Variants in MTMR3 observed in about 807,000 individuals in gnomAD.
MTMR3 encodes the protein phosphatidylinositol-3,5-bisphosphate 3-phosphatase MTMR3.
Under a neutral mutation model 132.4 loss-of-function variants are expected in MTMR3, and 32 were observed. That is an observed-to-expected ratio of 0.24 (90% confidence interval 0.18 to 0.32). The LOEUF is 0.32. MTMR3 is among the 10% of genes least tolerant of loss of function. The pLI is 1.00. For missense variants in MTMR3, 1,216 were observed against 1,489.6 expected, an observed-to-expected ratio of 0.82 and a Z score of 3.02; for synonymous variants, 556 against 550.3, an observed-to-expected ratio of 1.01 and a Z score of -0.14.
At chr22:29,948,239 C>G (rs1209116390) in intron 1 of MTMR3, among the ~76,000 whole-genome samples, 1 of 152,162 alleles carries the variant, frequency 6.6e-6, no homozygotes, top group Non-Finnish European at 1.5e-5. Context: ...GAGTTGTATG[C>G]TTAAAGAATG....
Position 30,020,157 on chromosome 22 carries a change from T to A in MTMR3, c.2498T>A (p.Val833Asp). ...TCATGTTCTCTGCTACCTTCCCAAG[T>A]CCCTTTTGAGACCAGAGGACCAAAC... ...SQSCSLLPSQVPFETRGPNVD... is the reference protein window; with the variant it reads ...SQSCSLLPSQDPFETRGPNVD... The change falls in exon 17 of 20, where the codon GTC (valine) becomes GAC (aspartate). Residue 833 changes from valine (V) to aspartate (D), a missense_variant. This residue lies in a region of MTMR3 where 852 missense variants were observed against 852.0 expected (regional missense o/e 1.00). Transcript: ENST00000401950. 2 of 1,614,172 alleles carry A rather than the reference T, an allele frequency of 1.2e-6. No homozygotes were observed. The highest frequency in any genetic ancestry group is 1.7e-6 in the Non-Finnish European group (2 of 1,180,032).
At chr22:29,962,534 G>A (rs2066332440) in intron 2 of MTMR3, among the ~76,000 whole-genome samples, 1 of 152,056 alleles carries the variant, frequency 6.6e-6, no homozygotes, top group African/African-American at 2.4e-5. Flanking sequence ...AGCCGGGTGT[G>A]GTGGCTTGCA....
chr22:29,987,272 TGTG>T (rs2066877795), intron 5 of MTMR3: 1 of 152,258 alleles, frequency 6.6e-6, no homozygotes, highest in Non-Finnish European at 1.5e-5. Flanking sequence ...CTGAGAGTTC[TGTG>T]CTGACTGGCA....
At chr22:29,896,512 C>T (rs951153644) in intron 1 of MTMR3, among the ~76,000 whole-genome samples, 6 of 152,078 alleles carry the variant, frequency 3.9e-5, no homozygotes, top group African/African-American at 1.4e-4. Context: ...CTCTCGTCTC[C>T]TTTGCAACAC....
At chr22:30,019,360 G>C in intron 16 of MTMR3, 120 bp from the exon 17 acceptor site, 1 of 914,970 alleles carries the variant, frequency 1.1e-6, no homozygotes, top group South Asian at 1.7e-5. Context: ...AGATGCTACA[G>C]CTCCATGAGT....
chr22:29,990,555 C>G (rs2066941963), intron 6 of MTMR3: 1 of 152,052 alleles, frequency 6.6e-6, no homozygotes, highest in African/African-American at 2.4e-5. Flanking sequence ...TTCAAAAAGG[C>G]CAAATATTTA....
chr22:29,887,610 G>A (rs2064705058), intron 1 of MTMR3, among the ~76,000 whole-genome samples: 1 of 152,176 alleles, frequency 6.6e-6, no homozygotes. Context: ...CAATGTTGCA[G>A]GGACTTCAGA....
chr22:29,927,939 G>GTGTT (rs1555898550), intron 1 of MTMR3, among the ~76,000 whole-genome samples: 1 of 107,374 alleles, frequency 9.3e-6, no homozygotes, highest in Admixed American at 1.2e-4. Flanking sequence ...TCTAGCCTTT[G>GTGTT]TTTTTTTTTT....
At chr22:29,974,894 A>G (rs2066601334) in intron 3 of MTMR3, among the ~76,000 whole-genome samples, 1 of 152,230 alleles carries the variant, frequency 6.6e-6, no homozygotes, top group African/African-American at 2.4e-5. Context: ...CCATGTTTAC[A>G]TAGCATTTCC....
chr22:29,991,221 T>G, intron 6 of MTMR3: 1 of 210,828 alleles, frequency 4.7e-6, no homozygotes, highest in Non-Finnish European at 9.3e-6. Flanking sequence ...ATAGCTGCCA[T>G]TTTTCTGTAA....
intron 1 of MTMR3, among the ~76,000 whole-genome samples, chr22:29,942,806 G>A (rs1024434572): frequency 2.6e-5 from 4 of 152,162 alleles, no homozygotes; most frequent in African/African-American, 4.8e-5. Context: ...CTGTTATCCT[G>A]TTCTTTTTTC....
At chr22:29,955,805 G>T (rs186052005) in intron 1 of MTMR3, among the ~76,000 whole-genome samples, 2 of 152,028 alleles carry the variant, frequency 1.3e-5, no homozygotes, top group African/African-American at 4.8e-5. Flanking sequence ...AGGCTGGAGC[G>T]CAGTGGCGCA....
In MTMR3 at chr22:30,020,539, T is replaced by C. The variant is rs553628172; in HGVS notation, c.2880T>C (p.Asn960=). Reference sequence around the variant, plus strand: ...CCACACCCAATGGGCATTGCGCCAATGGGGAGGCTGGTAGGAGCAAGGACT... The same window carrying C: ...CCACACCCAATGGGCATTGCGCCAACGGGGAGGCTGGTAGGAGCAAGGACT... ...MYPTPNGHCA[N]GEAGRSKDSL... The change falls in exon 17 of 20, where the codon AAT becomes AAC. Residue 960 remains asparagine, a synonymous_variant. Coordinates refer to ENST00000401950, the MANE Select transcript of MTMR3 (RefSeq NM_021090.4). The C allele has an allele frequency of 1.2e-6, 2 of 1,614,082 alleles. No individual in the cohort carries two copies. Among genetic ancestry groups the C allele is most frequent in the Admixed American group, 1.7e-5 (1 of 60,014 alleles).
intron 5 of MTMR3, 160 bp downstream of exon 5, chr22:29,979,212 G>T (rs991397266): frequency 1.8e-6 from 1 of 546,704 alleles, no homozygotes; most frequent in Non-Finnish European, 3.3e-6. Flanking sequence ...CACTGGCTTG[G>T]CCAGGCGCGG....
At chr22:30,015,587 T>C (rs926640145) in intron 14 of MTMR3, 2 of 150,252 alleles carry the variant, frequency 1.3e-5, no homozygotes, top group Non-Finnish European at 3.0e-5. Context: ...AACCTGGTTA[T>C]TTATTGCCAC....
At chr22:29,912,212 A>G (rs944566437) in intron 1 of MTMR3, among the ~76,000 whole-genome samples, 2 of 152,200 alleles carry the variant, frequency 1.3e-5, no homozygotes, top group African/African-American at 2.4e-5. Flanking sequence ...TTTTTATGCT[A>G]AGGTTAAAGT....
At chr22:29,988,143 TTGCAAATCATAG>T (rs1172983662) in intron 5 of MTMR3, 2 of 162,636 alleles carry the variant, frequency 1.2e-5, no homozygotes, top group Non-Finnish European at 1.3e-5. Flanking sequence ...CATTGCATCA[TTGCAAATCATAG>T]TCAGTTATAG....
rs759837653 is a variant in MTMR3, at chr22:30,020,171, AGAG to A, written c.2515_2517del (p.Gly839del). ...ACCTTCCCAAGTCCCTTTTGAGACCAGAGGACCAAACGTGGACAGTTCTACAGA... is the reference window on the plus strand; with the variant it reads ...ACCTTCCCAAGTCCCTTTTGAGACCAGACCAAACGTGGACAGTTCTACAGA... On this transcript the variant is annotated inframe_deletion, in exon 17 of 20. Transcript: ENST00000401950. 6.2e-7 allele frequency: 1 copy of A among 1,614,252 alleles called. No homozygotes were observed. Among genetic ancestry groups the A allele is most frequent in the Non-Finnish European group, 8.5e-7 (1 of 1,180,038 alleles).
At position 29,979,036 on chromosome 22, in the gene MTMR3, A is replaced by G. The variant is rs1232355362; in HGVS notation, c.194A>G (p.Lys65Arg). 6.2e-6 allele frequency: 10 copies of G among 1,609,988 alleles called. No individual in the cohort carries two copies. The African/African-American group carries it at 1.2e-4, about 19-fold the overall frequency. Reference sequence around the variant, plus strand: ...AATTACAGACTTCACATCAAGTTCAAGGAGTCTCTTGTTAATGTAAGTGAT... The same window carrying G: ...AATTACAGACTTCACATCAAGTTCAGGGAGTCTCTTGTTAATGTAAGTGAT... ...LSNYRLHIKF[K>R]ESLVNVPLQL... The change falls in exon 5 of 20, where the codon AAG (lysine) becomes AGG (arginine). Residue 65 changes from lysine (K) to arginine (R), a missense_variant. By Grantham distance (26) the Lys-to-Arg change is conservative (BLOSUM62 2). This residue lies in a region of MTMR3 where 81 missense variants were observed against 87.7 expected (regional missense o/e 0.92). Transcript: ENST00000401950.
Sources: allele counts gnomAD v4.1 joint callset (sites outside exome capture counted in the v4.1 genomes callset), GRCh38; gene constraint gnomAD v4.1.1; regional missense constraint gnomAD v4.1.1; transcripts MANE v1.5; gene names NCBI Gene and HGNC (gene_info 2026-07-23, HGNC 2026-07-21).